Variants in GRID1 observed in about 807,000 individuals in gnomAD.
The protein encoded by GRID1 is glutamate receptor ionotropic, delta-1.
GRID1 carries 28 observed loss-of-function variants against 98.0 expected under a neutral mutation model. The ratio of observed to expected loss-of-function variants is 0.29; its 90% CI spans 0.21 to 0.39. The LOEUF (loss-of-function observed/expected upper bound fraction) is 0.39. GRID1 is among the 10% of genes least tolerant of loss of function. GRID1 has a pLI of 1.00. For missense variants in GRID1, 1,111 were observed against 1,340.5 expected (o/e 0.83, Z 2.67); for synonymous variants, 553 against 538.5 (o/e 1.03, Z -0.37).
intron 2 of GRID1, among the ~76,000 whole-genome samples, chr10:86,338,626 C>G (rs779510516): frequency 3.3e-5 from 5 of 152,162 alleles, no homozygotes; most frequent in African/African-American, 9.7e-5. Flanking sequence ...GGCGCAATCT[C>G]GGCTCAATGC....
chr10:85,906,995 GAA>G (rs1267560765), intron 5 of GRID1, among the ~76,000 whole-genome samples: 3 of 152,254 alleles, frequency 2.0e-5, no homozygotes, highest in Non-Finnish European at 2.9e-5. Context: ...AATAAAAAAA[GAA>G]AAGAGACAAG....
At chr10:85,797,816 G>A (rs533292791) in intron 8 of GRID1, among the ~76,000 whole-genome samples, 72 of 152,208 alleles carry the variant, frequency 4.7e-4, no homozygotes, top group African/African-American at 1.7e-3. Context: ...ACTTATACAT[G>A]AGAATATGCA....
chr10:86,228,269 T>TGCG (rs1846389663), intron 2 of GRID1, among the ~76,000 whole-genome samples: 1 of 74,348 alleles, frequency 1.3e-5, no homozygotes, highest in Non-Finnish European at 2.7e-5. Flanking sequence ...GAGAGGATGG[T>TGCG]GTGGTGAGGA....
chr10:85,760,947 C>G (rs1839459493), intron 8 of GRID1, among the ~76,000 whole-genome samples: 1 of 152,148 alleles, frequency 6.6e-6, no homozygotes, highest in Non-Finnish European at 1.5e-5. Flanking sequence ...AATCTGCACT[C>G]ACACCCATGA....
intron 2 of GRID1, among the ~76,000 whole-genome samples, chr10:86,353,006 T>C (rs75085464): frequency 2.0e-5 from 3 of 152,262 alleles, no homozygotes. Context: ...CATTGGATGA[T>C]CTCTGAGAGC....
chr10:85,890,500 A>G (rs1841184468), intron 5 of GRID1, among the ~76,000 whole-genome samples: 1 of 152,248 alleles, frequency 6.6e-6, no homozygotes, highest in South Asian at 2.1e-4. Context: ...TCTAAAATTC[A>G]TAAGGATCTT....
intron 6 of GRID1, among the ~76,000 whole-genome samples, chr10:85,865,956 G>T (rs1423999395): frequency 0.013 from 92 of 7,106 alleles, 1 homozygote; most frequent in Middle Eastern, 0.1. Context: ...CATATATATG[G>T]AGAGAGAGAG....
chr10:85,887,638 G>A (rs959828600), intron 5 of GRID1, among the ~76,000 whole-genome samples: 4 of 152,182 alleles, frequency 2.6e-5, no homozygotes, highest in East Asian at 1.9e-4. Context: ...AGTGATGAGC[G>A]TAGGGTCTGA....
At chr10:86,064,320 C>A (rs1843690235) in intron 4 of GRID1, among the ~76,000 whole-genome samples, 1 of 152,216 alleles carries the variant, frequency 6.6e-6, no homozygotes, top group African/African-American at 2.4e-5. Context: ...CCTCTCAGGA[C>A]AAGATGTTGA....
chr10:85,821,234 C>G (rs995257843), intron 8 of GRID1, among the ~76,000 whole-genome samples: 4 of 151,512 alleles, frequency 2.6e-5, no homozygotes, highest in Non-Finnish European at 5.9e-5. Context: ...GAAAACAGAT[C>G]AGGCTGGGCA....
chr10:85,990,234 G>A (rs1286226700), intron 4 of GRID1, among the ~76,000 whole-genome samples: 7 of 152,296 alleles, frequency 4.6e-5, no homozygotes, highest in Admixed American at 1.3e-4. Flanking sequence ...CTTAGGCATC[G>A]TTAGCTTCAC....
At chr10:86,120,388 C>T (rs1844647990) in intron 4 of GRID1, among the ~76,000 whole-genome samples, 1 of 152,184 alleles carries the variant, frequency 6.6e-6, no homozygotes, top group Non-Finnish European at 1.5e-5. Flanking sequence ...GTATTGGCTT[C>T]AGAGGACGCC....
intron 2 of GRID1, among the ~76,000 whole-genome samples, chr10:86,352,384 AC>A (rs1848475194): frequency 6.6e-6 from 1 of 152,140 alleles, no homozygotes; most frequent in Admixed American, 6.5e-5. Context: ...AAAACAAAAC[AC>A]CATAGACAGG....
chr10:86,250,733 G>A (rs1010268056), intron 2 of GRID1, among the ~76,000 whole-genome samples: 9 of 150,842 alleles, frequency 6.0e-5, no homozygotes, highest in Admixed American at 1.3e-4. Context: ...GGTGGGGGGC[G>A]CCTCTGCCCA....
At chr10:85,946,766 T>A (rs1392110743) in intron 4 of GRID1, among the ~76,000 whole-genome samples, 2 of 152,092 alleles carry the variant, frequency 1.3e-5, no homozygotes, top group Non-Finnish European at 2.9e-5. Flanking sequence ...ACAAGCCCAG[T>A]GTTCTCAAGC....
chr10:86,276,904 G>A (rs1157880017), intron 2 of GRID1, among the ~76,000 whole-genome samples: 1 of 152,042 alleles, frequency 6.6e-6, no homozygotes, highest in Admixed American at 6.6e-5. Flanking sequence ...TCTAAATCCA[G>A]CAATACTGTC....
chr10:85,615,881 C>T (rs1467487161), intron 14 of GRID1, among the ~76,000 whole-genome samples: 1 of 152,206 alleles, frequency 6.6e-6, no homozygotes, highest in Non-Finnish European at 1.5e-5. Context: ...AGGATGTCAG[C>T]AGTTGAAAAA....
intron 12 of GRID1, among the ~76,000 whole-genome samples, chr10:85,677,589 A>C (rs1358638642): frequency 6.6e-6 from 1 of 152,226 alleles, no homozygotes; most frequent in Admixed American, 6.5e-5. Flanking sequence ...AGCTGAGAAG[A>C]TACAAACCTA....
At chr10:85,962,044 G>A (rs1842274830) in intron 4 of GRID1, among the ~76,000 whole-genome samples, 1 of 152,256 alleles carries the variant, frequency 6.6e-6, no homozygotes, top group South Asian at 2.1e-4. Flanking sequence ...AGGGAATGAA[G>A]GAAGAAAGGC....
Sources: allele counts gnomAD v4.1 joint callset (sites outside exome capture counted in the v4.1 genomes callset), GRCh38; gene constraint gnomAD v4.1.1; transcripts MANE v1.5; gene names NCBI Gene and HGNC (gene_info 2026-07-23, HGNC 2026-07-21).